Variants in TIAL1 observed in about 807,000 individuals in gnomAD.
The protein encoded by TIAL1 is TIA1 cytotoxic granule associated RNA binding protein like 1, also known as nucleolysin TIAR.
In TIAL1, 7 loss-of-function variants were observed where a neutral mutation model predicts 59.7. The ratio of observed to expected loss-of-function variants is 0.12; its 90% CI spans 0.07 to 0.22. The LOEUF (loss-of-function observed/expected upper bound fraction) is 0.22, where lower values mean the gene tolerates loss of function less well. TIAL1 is among the 10% of genes least tolerant of loss of function. The pLI is 1.00. For synonymous variants in TIAL1, 149 were observed against 146.3 expected (o/e 1.02, Z -0.13); for missense variants, 225 against 462.5 (o/e 0.49, Z 4.71).
intron 1 of TIAL1, 83 bp from the exon 2 acceptor site, chr10:119,588,331 C>G (rs1589877896): frequency 3.5e-4 from 25 of 71,952 alleles, no homozygotes; most frequent in Non-Finnish European, 9.2e-4. Context: ...ATCACCTTTT[C>G]TTTCTTTCTT....
At chr10:119,577,845 T>C in intron 7 of TIAL1, 109 bp from the exon 8 acceptor site, 1 of 918,650 alleles carries the variant, frequency 1.1e-6, no homozygotes, top group Non-Finnish European at 1.7e-6. Flanking sequence ...CACCCAGCAC[T>C]TTGGGAGGCT....
intron 2 of TIAL1, among the ~76,000 whole-genome samples, chr10:119,586,729 G>C (rs1483786914): frequency 6.6e-6 from 1 of 152,076 alleles, no homozygotes; most frequent in African/African-American, 2.4e-5. Flanking sequence ...CTAGCCATCG[G>C]TCTTTGATTC....
chr10:119,579,533 T>A (rs1196338069), intron 6 of TIAL1, among the ~76,000 whole-genome samples: 1 of 152,160 alleles, frequency 6.6e-6, no homozygotes, highest in Non-Finnish European at 1.5e-5. Flanking sequence ...GTCATTCACA[T>A]CCCAGTTATA....
intron 1 of TIAL1, among the ~76,000 whole-genome samples, chr10:119,590,603 G>C (rs7093070): frequency 1.3e-5 from 2 of 151,796 alleles, no homozygotes; most frequent in African/African-American, 4.8e-5. Flanking sequence ...CCAGCTACTC[G>C]GGAGGCCGAG....
intron 1 of TIAL1, among the ~76,000 whole-genome samples, chr10:119,591,677 TAAC>T (rs1420256768): frequency 3.3e-5 from 5 of 152,198 alleles, no homozygotes; most frequent in African/African-American, 7.2e-5. Context: ...AGGCCTTCCA[TAAC>T]AACACATACA....
chr10:119,587,122 T>C (rs1037988183), intron 2 of TIAL1, among the ~76,000 whole-genome samples: 2 of 152,254 alleles, frequency 1.3e-5, no homozygotes, highest in Non-Finnish European at 2.9e-5. Context: ...AAAAGGCCAA[T>C]GCACTTTAAA....
At chr10:119,596,289 G>A (rs1290813728) in intron 1 of TIAL1, 145 bp downstream of exon 1, 11 of 800,812 alleles carry the variant, frequency 1.4e-5, no homozygotes, top group Non-Finnish European at 2.1e-5. Flanking sequence ...GGGGACAGAT[G>A]AGGAATGCAC....
intron 2 of TIAL1, among the ~76,000 whole-genome samples, chr10:119,587,803 C>T (rs923362786): frequency 3.3e-5 from 5 of 152,292 alleles, no homozygotes; most frequent in Middle Eastern, 3.4e-3. Flanking sequence ...TTCGTGTTCT[C>T]GCACATGAAC....
At chr10:119,594,958 T>C (rs1232154600) in intron 1 of TIAL1, among the ~76,000 whole-genome samples, 1 of 152,176 alleles carries the variant, frequency 6.6e-6, no homozygotes, top group African/African-American at 2.4e-5. Flanking sequence ...CAATTCTTTC[T>C]TCTAGGGAGA....
rs1844902148 is a variant in TIAL1, at chr10:119,574,857, T to A, written c.*808A>T. On this transcript the variant is annotated 3_prime_UTR_variant, in exon 12 of 12. Coordinates refer to ENST00000436547, the MANE Select transcript of TIAL1 (RefSeq NM_003252.4). ...ATGTTGAAGCATGCTTTTTAAACAC[T>A]GTAGTTATTGAATATTTACAATATG... 6.6e-6 allele frequency: 1 copy of A among 152,630 alleles called. No individual in the cohort carries two copies. The highest frequency in any genetic ancestry group is 2.4e-5 in the African/African-American group (1 of 41,462). 9.5% of individuals were successfully genotyped at this position (152,630 alleles called of 1,614,324 possible).
At chr10:119,579,900 T>C in intron 6 of TIAL1, 35 bp downstream of exon 6, 1 of 1,501,720 alleles carries the variant, frequency 6.7e-7, no homozygotes, top group South Asian at 1.3e-5. Flanking sequence ...CTAAATTTAG[T>C]ATTAAAAAAT....
chr10:119,580,055 T>G, intron 5 of TIAL1, 45 bp from the exon 6 acceptor site: 1 of 1,520,084 alleles, frequency 6.6e-7, no homozygotes, highest in Non-Finnish European at 9.0e-7. Context: ...AGAGCCACCC[T>G]CAAAATAAAA....
intron 2 of TIAL1, among the ~76,000 whole-genome samples, chr10:119,583,833 C>T (rs918327402): frequency 5.3e-5 from 8 of 152,162 alleles, no homozygotes; most frequent in Non-Finnish European, 1.2e-4. Context: ...CACGTGAATG[C>T]TGTTCTTAAG....
Position 119,593,073 on chromosome 10 carries a change from A to G in TIAL1, c.32+3361T>C, listed in dbSNP as rs570480363. Among the ~76,000 whole-genome samples the G allele has an allele frequency of 1.2e-4, 18 of 152,338 alleles. 1 individual carries two copies. In the South Asian group the frequency reaches 3.7e-3, roughly 32 times the overall value. ...TGCATCCGATAGATGAAGAAAATAA[A>G]ATAAGCTACAATAAAACACTATTAC... On this transcript the variant is annotated intron_variant, in intron 1 of 11. Coordinates refer to ENST00000436547, the MANE Select transcript of TIAL1 (RefSeq NM_003252.4).
intron 2 of TIAL1, among the ~76,000 whole-genome samples, chr10:119,583,086 T>C (rs1407027972): frequency 1.3e-5 from 2 of 152,186 alleles, no homozygotes; most frequent in Non-Finnish European, 2.9e-5. Context: ...ATTTTATTGA[T>C]TTCTTTTCTG....
At chr10:119,589,999 T>C (rs536768651) in intron 1 of TIAL1, among the ~76,000 whole-genome samples, 33 of 152,266 alleles carry the variant, frequency 2.2e-4, no homozygotes, top group Non-Finnish European at 1.0e-4. Context: ...ATACACAACA[T>C]GCTTTAAGAT....
intron 2 of TIAL1, among the ~76,000 whole-genome samples, chr10:119,584,774 A>C (rs1365025417): frequency 6.6e-6 from 1 of 152,074 alleles, no homozygotes; most frequent in African/African-American, 2.4e-5. Context: ...GGTTGCAGTG[A>C]GCCAAGATCG....
Position 119,577,222 on chromosome 10 carries a change from A to T in TIAL1, c.738-19T>A. The T allele has an allele frequency of 6.3e-7, 1 of 1,592,590 alleles. No individual in the cohort carries two copies. The highest frequency in any genetic ancestry group is 8.5e-7 in the Non-Finnish European group (1 of 1,173,390). On this transcript the variant is annotated intron_variant, in intron 9 of 11. Coordinates refer to ENST00000436547, the MANE Select transcript of TIAL1 (RefSeq NM_003252.4). ...TGAAAATCTAAGAAAGAAAAATGAT[A>T]TGGTTTTGTCTTTTATTTTTTAAGA...
Position 119,574,324 on chromosome 10 carries a change from A to G in TIAL1, c.*1341T>C, listed in dbSNP as rs1457802054. 1 of 152,172 alleles carries G rather than the reference A, an allele frequency of 6.6e-6. No individual in the cohort carries two copies. Among genetic ancestry groups the G allele is most frequent in the African/African-American group, 2.4e-5 (1 of 41,428 alleles). 9.4% of individuals were successfully genotyped at this position (152,172 alleles called of 1,614,324 possible). ...TTATTATACCATGCACACTGCCCAC[A>G]AGGAAAAAAATTAATTGAAAATAAA... On this transcript the variant is annotated 3_prime_UTR_variant, in exon 12 of 12. Transcript: ENST00000436547.
Sources: allele counts gnomAD v4.1 joint callset (sites outside exome capture counted in the v4.1 genomes callset), GRCh38; gene constraint gnomAD v4.1.1; transcripts MANE v1.5; gene names NCBI Gene and HGNC (gene_info 2026-07-23, HGNC 2026-07-21).